FARSB: variants seen among roughly 807,000 people sequenced by gnomAD.
FARSB encodes the protein phenylalanyl-tRNA synthetase subunit beta.
FARSB carries 40 observed loss-of-function variants against 69.6 expected under a neutral mutation model. The observed-to-expected ratio is 0.57, with a 90% CI of 0.45 to 0.75. The LOEUF is 0.75. Among genes scored for constraint, FARSB ranks in the 30% least tolerant of loss-of-function variants. FARSB has a pLI of 0.00. For missense variants in FARSB, 632 were observed against 722.9 expected (o/e 0.87, Z 1.44); for synonymous variants, 235 against 247.2 (o/e 0.95, Z 0.46).
intron 10 of FARSB, among the ~76,000 whole-genome samples, chr2:222,625,805 G>T (rs928715340): frequency 1.3e-5 from 2 of 152,194 alleles, no homozygotes; most frequent in African/African-American, 4.8e-5. Flanking sequence ...GACAGGTAAG[G>T]AATTTGAATT....
chr2:222,623,250 G>T (rs1295942326), intron 13 of FARSB, among the ~76,000 whole-genome samples: 1 of 152,126 alleles, frequency 6.6e-6, no homozygotes, highest in Non-Finnish European at 1.5e-5. Flanking sequence ...CAAAGACAAA[G>T]AAATTAATTT....
intron 15 of FARSB, among the ~76,000 whole-genome samples, 171 bp downstream of exon 15, chr2:222,613,640 A>C (rs1690914547): frequency 6.6e-6 from 1 of 152,246 alleles, no homozygotes; most frequent in African/African-American, 2.4e-5. Context: ...GGAAGTTGAT[A>C]GTGGTATAGA....
chr2:222,589,818 C>A (rs1375168733), intron 16 of FARSB, among the ~76,000 whole-genome samples: 1 of 152,078 alleles, frequency 6.6e-6, no homozygotes, highest in Non-Finnish European at 1.5e-5. Context: ...CAATGAGATA[C>A]CATCTCACAC....
chr2:222,607,537 GTATT>G (rs1441328025), intron 15 of FARSB, among the ~76,000 whole-genome samples: 2 of 151,842 alleles, frequency 1.3e-5, no homozygotes, highest in Non-Finnish European at 2.9e-5. Flanking sequence ...ACATTAAAAA[GTATT>G]TATCCATTAT....
At chr2:222,649,815 C>T (rs905960012) in intron 1 of FARSB, among the ~76,000 whole-genome samples, 1 of 152,196 alleles carries the variant, frequency 6.6e-6, no homozygotes, top group Non-Finnish European at 1.5e-5. Flanking sequence ...TTTCAGGGTT[C>T]TCACATTACC....
intron 10 of FARSB, among the ~76,000 whole-genome samples, chr2:222,625,757 C>G (rs1691253036): frequency 6.6e-6 from 1 of 152,200 alleles, no homozygotes; most frequent in South Asian, 2.1e-4. Flanking sequence ...GATAATCTTA[C>G]TTAATCCTCA....
chr2:222,612,748 G>A (rs1303785444), intron 15 of FARSB, among the ~76,000 whole-genome samples: 1 of 152,118 alleles, frequency 6.6e-6, no homozygotes, highest in African/African-American at 2.4e-5. Context: ...ATACAGCTTC[G>A]AACAGTCAGA....
At chr2:222,572,517 T>C (rs902138020) in intron 16 of FARSB, among the ~76,000 whole-genome samples, 71 of 152,162 alleles carry the variant, frequency 4.7e-4, no homozygotes, top group African/African-American at 1.6e-3. Context: ...CTCACCTTAT[T>C]ACATAAAGAA....
chr2:222,582,438 T>G lies in FARSB; in HGVS notation c.1619-10416A>C, dbSNP rs1356720699. On this transcript the variant is annotated intron_variant, in intron 16 of 16. Coordinates refer to ENST00000281828, the MANE Select transcript of FARSB (RefSeq NM_005687.5). ...ATAAACTGAAAACTAATAAAAATCA[T>G]AACCTATAGAGGCAGGGAGGGAACG... Among the ~76,000 whole-genome samples, 3 of 152,274 alleles carry G rather than the reference T, an allele frequency of 2.0e-5. No individual in the cohort carries two copies. In the East Asian group the frequency reaches 5.8e-4, roughly 29 times the overall value.
rs1313924935 is a variant in FARSB, at chr2:222,642,959, G to A, written c.161C>T (p.Ala54Val). 8 of 1,610,292 alleles carry A rather than the reference G, an allele frequency of 5.0e-6. No homozygotes were observed. In the African/African-American group the frequency reaches 8.0e-5, roughly 16 times the overall value. ...AAGAACAACATCAGAGGCTCCTGCT[G>A]CCTTTACATTACCTTGTTCTTTACT... The part of the protein sequence containing the change: ...IISKEQGNVK[A>V]AGASDVVLYK... Residue 54 changes from alanine to valine, a missense_variant, in exon 3 of 17, where the codon GCA becomes GTA. Ala to Val is a moderately conservative substitution (Grantham distance 64, BLOSUM62 0). Transcript: ENST00000281828.
In FARSB at chr2:222,600,049, A is replaced by G; in HGVS notation, c.1497T>C (p.Ala499=). Residue 499 remains alanine (A), a synonymous_variant, in exon 16 of 17, where the codon GCT becomes GCC. Transcript: ENST00000281828. Reference sequence around the variant, plus strand: ...ACCCAGGATTCTTGTTGTAATAAACAGCACAGAGATGTCTGTAGTTTTTTG... The same window carrying G: ...ACCCAGGATTCTTGTTGTAATAAACGGCACAGAGATGTCTGTAGTTTTTTG... ...VGAKNYRHLC[A]VYYNKNPGFE... 6.2e-7 allele frequency: 1 copy of G among 1,610,664 alleles called. No individual in the cohort carries two copies. The highest frequency in any genetic ancestry group is 1.1e-5 in the South Asian group (1 of 90,230).
At position 222,571,621 on chromosome 2, in the gene FARSB, C is replaced by A; in HGVS notation, c.*250G>T. On this transcript the variant is annotated 3_prime_UTR_variant, in exon 17 of 17. Transcript: ENST00000281828. ...GAACAGATCCTGCACTCTGCTAGTG[C>A]ATTTCTCCAGCACTCCACGGGGCTT... The A allele has an allele frequency of 2.7e-6, 1 of 368,614 alleles. No homozygotes were observed. The highest frequency in any genetic ancestry group is 4.9e-6 in the Non-Finnish European group (1 of 203,972). The allele number at this position is 368,614 out of a possible 1,614,324, so 22.8% of individuals were successfully genotyped here. A position where few individuals can be genotyped will look rare whatever the true frequency, so the allele number is the denominator to read the frequency against.
At chr2:222,655,711 G>C (rs1349942116) in intron 1 of FARSB, among the ~76,000 whole-genome samples, 2 of 152,358 alleles carry the variant, frequency 1.3e-5, no homozygotes, top group East Asian at 1.9e-4. Context: ...TGCAACCCCG[G>C]GTTTCCTTCC....
intron 16 of FARSB, among the ~76,000 whole-genome samples, chr2:222,590,105 G>A (rs1328206157): frequency 6.6e-6 from 1 of 152,054 alleles, no homozygotes; most frequent in African/African-American, 2.4e-5. Context: ...GCAAAGACTT[G>A]GAACCAACCC....
intron 15 of FARSB, among the ~76,000 whole-genome samples, chr2:222,611,220 A>C (rs947656196): frequency 6.6e-6 from 1 of 152,202 alleles, no homozygotes; most frequent in African/African-American, 2.4e-5. Context: ...GTACAAGACA[A>C]CAGGCAAAAG....
chr2:222,584,569 G>A (rs1161399658), intron 16 of FARSB, among the ~76,000 whole-genome samples: 2 of 152,204 alleles, frequency 1.3e-5, no homozygotes, highest in African/African-American at 2.4e-5. Flanking sequence ...AGCACAAGGG[G>A]TCGGGGAATT....
At chr2:222,574,455 A>T (rs1272752987) in intron 16 of FARSB, among the ~76,000 whole-genome samples, 1 of 152,222 alleles carries the variant, frequency 6.6e-6, no homozygotes, top group Non-Finnish European at 1.5e-5. Flanking sequence ...AGGCCACTGC[A>T]GCATCTCAAA....
At chr2:222,613,281 G>A (rs754261592) in intron 15 of FARSB, among the ~76,000 whole-genome samples, 11 of 152,184 alleles carry the variant, frequency 7.2e-5, no homozygotes, top group South Asian at 2.1e-4. Flanking sequence ...GTAGTTGGGC[G>A]CCAGTGGCTC....
chr2:222,600,193 A>C, intron 15 of FARSB, 110 bp from the exon 16 acceptor site: 1 of 824,482 alleles, frequency 1.2e-6, no homozygotes, highest in South Asian at 1.8e-5. Flanking sequence ...ACCAAATATT[A>C]AACATTCAGA....
Sources: allele counts gnomAD v4.1 joint callset (sites outside exome capture counted in the v4.1 genomes callset), GRCh38; gene constraint gnomAD v4.1.1; transcripts MANE v1.5; gene names NCBI Gene and HGNC (gene_info 2026-07-23, HGNC 2026-07-21).